ROBO2: variants seen among roughly 807,000 people sequenced by gnomAD.
ROBO2 encodes the protein roundabout guidance receptor 2, also known as roundabout homolog 2.
ROBO2 carries 53 observed loss-of-function variants against 160.8 expected under a neutral mutation model. The observed-to-expected ratio is 0.33, with a 90% CI of 0.26 to 0.41. ROBO2 has a LOEUF of 0.41. Ranked by LOEUF, ROBO2 falls within the 10% of genes least tolerant of loss-of-function variation. ROBO2 has a pLI of 1.00. For missense variants in ROBO2, 1,577 were observed against 1,722.4 expected (o/e 0.92, Z 1.49); for synonymous variants, 664 against 611.7 (o/e 1.09, Z -1.26).
chr3:77,531,274 A>T (rs775754), intron 6 of ROBO2, among the ~76,000 whole-genome samples: 66,958 of 151,866 alleles, frequency 0.44, 14,914 homozygotes, highest in African/African-American at 0.49. Flanking sequence ...TTTTGATGGA[A>T]GAATGTAATT....
intron 2 of ROBO2, among the ~76,000 whole-genome samples, chr3:76,833,108 G>T (rs1437531641): frequency 6.6e-6 from 1 of 152,084 alleles, no homozygotes; most frequent in Non-Finnish European, 1.5e-5. Context: ...GCAAATATGG[G>T]ATTAGGACCT....
At chr3:77,135,020 G>T (rs1044790732) in intron 2 of ROBO2, among the ~76,000 whole-genome samples, 3 of 152,186 alleles carry the variant, frequency 2.0e-5, no homozygotes, top group African/African-American at 7.2e-5. Flanking sequence ...AGATGACGCC[G>T]TGTCATTAAC....
chr3:76,872,037 A>G (rs2072155750), intron 2 of ROBO2, among the ~76,000 whole-genome samples: 1 of 152,146 alleles, frequency 6.6e-6, no homozygotes, highest in African/African-American at 2.4e-5. Flanking sequence ...TTTGTCATAA[A>G]TGTCACTGAA....
intron 2 of ROBO2, among the ~76,000 whole-genome samples, chr3:77,283,078 C>T (rs1393763667): frequency 6.6e-6 from 1 of 152,024 alleles, no homozygotes; most frequent in African/African-American, 2.4e-5. Flanking sequence ...ACAGCTACTA[C>T]ATCTTATTAT....
intron 2 of ROBO2, among the ~76,000 whole-genome samples, chr3:76,745,566 T>C (rs13067658): frequency 0.66 from 99,461 of 151,772 alleles, 32,810 homozygotes; most frequent in African/African-American, 0.74. Flanking sequence ...ATCCAAGTGA[T>C]CCCACCCAGT....
intron 2 of ROBO2, among the ~76,000 whole-genome samples, chr3:77,126,782 CTTTTTTT>C (rs11365042): frequency 4.2e-4 from 26 of 62,638 alleles, no homozygotes; most frequent in South Asian, 5.9e-4. Context: ...TTTGAAACTT[CTTTTTTT>C]TTTTTTTTTT....
intron 2 of ROBO2, among the ~76,000 whole-genome samples, chr3:76,574,018 A>G (rs1437751200): frequency 2.6e-5 from 4 of 152,092 alleles, no homozygotes; most frequent in African/African-American, 9.7e-5. Flanking sequence ...TTATTTGTGT[A>G]TGTGTCTTAA....
At chr3:76,567,632 T>TC (rs2084623891) in intron 2 of ROBO2, among the ~76,000 whole-genome samples, 1 of 79,118 alleles carries the variant, frequency 1.3e-5, no homozygotes, top group African/African-American at 4.5e-5. Context: ...TATATATATA[T>TC]ATATATATAT....
chr3:75,990,940 T>C (rs1477362470), intron 2 of ROBO2, among the ~76,000 whole-genome samples: 1 of 152,104 alleles, frequency 6.6e-6, no homozygotes, highest in African/African-American at 2.4e-5. Context: ...TCCACTGAGG[T>C]CCTAAATAGA....
chr3:76,999,045 T>G (rs1485828629), intron 2 of ROBO2, among the ~76,000 whole-genome samples: 1 of 152,112 alleles, frequency 6.6e-6, no homozygotes, highest in African/African-American at 2.4e-5. Context: ...TCTCCCAAAT[T>G]AGTCCAAATC....
chr3:76,068,303 C>T (rs1480213252), intron 2 of ROBO2, among the ~76,000 whole-genome samples: 1 of 152,174 alleles, frequency 6.6e-6, no homozygotes, highest in African/African-American at 2.4e-5. Context: ...AGCCAAATTA[C>T]ATAGTTCCTT....
chr3:75,987,747 G>A (rs2065453311), intron 2 of ROBO2, among the ~76,000 whole-genome samples: 2 of 151,896 alleles, frequency 1.3e-5, no homozygotes, highest in African/African-American at 4.8e-5. Context: ...TTTGTTGAGT[G>A]TTTTTGATAT....
intron 2 of ROBO2, among the ~76,000 whole-genome samples, chr3:76,260,751 G>T (rs149261613): frequency 2.6e-5 from 4 of 151,964 alleles, no homozygotes; most frequent in African/African-American, 9.7e-5. Context: ...TCAAAGGATC[G>T]CACAATAATG....
At chr3:77,469,138 T>C (rs936037308) in intron 2 of ROBO2, among the ~76,000 whole-genome samples, 2 of 152,210 alleles carry the variant, frequency 1.3e-5, no homozygotes, top group Admixed American at 1.3e-4. Context: ...TACAGAATTA[T>C]TATGCGATGT....
In ROBO2 at chr3:76,645,077, G is replaced by C. The variant is rs1578837041; in HGVS notation, c.110-452937G>C. On this transcript the variant is annotated intron_variant, in intron 2 of 26. Coordinates refer to the ROBO2 transcript ENST00000487694. ...ATGTGTACAGGCTCTGTGCTCCATT[G>C]CTTCTCCATGAATAGGTGAAAAGAA... 2.0e-5 allele frequency among the ~76,000 whole-genome samples: 3 copies of C among 152,274 alleles called. No homozygotes were observed. In the South Asian group the frequency reaches 6.2e-4, roughly 32 times the overall value.
At chr3:77,401,065 T>C (rs1047211266) in intron 2 of ROBO2, among the ~76,000 whole-genome samples, 2 of 152,054 alleles carry the variant, frequency 1.3e-5, no homozygotes, top group African/African-American at 4.8e-5. Context: ...ATTTCCTCCA[T>C]AGAAGCCATG....
intron 2 of ROBO2, among the ~76,000 whole-genome samples, chr3:77,191,805 C>T (rs773518693): frequency 1.3e-5 from 2 of 152,166 alleles, no homozygotes; most frequent in Non-Finnish European, 2.9e-5. Flanking sequence ...ACACAAAATG[C>T]ATCTTAGTTT....
At chr3:77,565,204 C>A in intron 12 of ROBO2, 84 bp downstream of exon 13, 1 of 1,414,512 alleles carries the variant, frequency 7.1e-7, no homozygotes, top group Non-Finnish European at 1.0e-6. Context: ...AGGAAATATA[C>A]ATGTGCCTGC....
chr3:76,173,521 A>C, intron 2 of ROBO2, among the ~76,000 whole-genome samples: 5 of 146,780 alleles, frequency 3.4e-5, no homozygotes, highest in African/African-American at 5.1e-5. Context: ...CTTGACCCCC[A>C]CCCCTGACAG....
Sources: gnomAD v4.1 joint callset for allele counts (sites outside exome capture counted in the v4.1 genomes callset) on GRCh38, gnomAD v4.1.1 for gene constraint, MANE v1.5 for transcripts, NCBI Gene and HGNC (gene_info 2026-07-23, HGNC 2026-07-21) for gene names.